The following C8orf34 variants were observed in gnomAD, a reference collection of about 807,000 sequenced individuals.
C8orf34 encodes uncharacterized protein C8orf34.
Under a neutral mutation model 68.3 loss-of-function variants are expected in C8orf34, and 65 were observed. The ratio of observed to expected loss-of-function variants is 0.95; its 90% CI spans 0.78 to 1.17. The LOEUF (loss-of-function observed/expected upper bound fraction) is 1.17. C8orf34 is among the 50% of genes most tolerant of loss of function. C8orf34 has a pLI of 0.00. For missense variants in C8orf34, 664 were observed against 655.4 expected, an observed-to-expected ratio of 1.01 and a Z score of -0.14; for synonymous variants, 244 against 241.2, an observed-to-expected ratio of 1.01 and a Z score of -0.11.
intron 1 of C8orf34, among the ~76,000 whole-genome samples, chr8:68,415,528 T>C (rs1162191567): frequency 6.6e-6 from 1 of 152,010 alleles, no homozygotes; most frequent in African/African-American, 2.4e-5. Flanking sequence ...AAGACAGACA[T>C]GGGGTTCAGG....
At chr8:68,666,794 C>T (rs1819856312) in intron 8 of C8orf34, among the ~76,000 whole-genome samples, 1 of 152,016 alleles carries the variant, frequency 6.6e-6, no homozygotes, top group Admixed American at 6.6e-5. Flanking sequence ...ATTGATTTTT[C>T]CTTCTTTTGC....
intron 1 of C8orf34, among the ~76,000 whole-genome samples, chr8:68,352,284 AT>A (rs1187660234): frequency 6.6e-6 from 1 of 152,104 alleles, no homozygotes; most frequent in African/African-American, 2.4e-5. Flanking sequence ...AAAAAGTTAC[AT>A]TATTATATTA....
intron 10 of C8orf34, among the ~76,000 whole-genome samples, chr8:68,771,596 G>A (rs576341527): frequency 2.0e-5 from 3 of 152,140 alleles, no homozygotes; most frequent in East Asian, 1.9e-4. Context: ...TTCCTAATAT[G>A]AGTCTTCCTC....
chr8:68,617,383 T>C (rs1563565702), intron 7 of C8orf34, among the ~76,000 whole-genome samples: 1 of 152,250 alleles, frequency 6.6e-6, no homozygotes, highest in South Asian at 2.1e-4. Context: ...CTAGCCTCGA[T>C]GGTCTTTACA....
At chr8:68,786,814 C>T (rs1175075036) in intron 11 of C8orf34, among the ~76,000 whole-genome samples, 1 of 152,148 alleles carries the variant, frequency 6.6e-6, no homozygotes, top group Non-Finnish European at 1.5e-5. Context: ...AAAGCGTGCT[C>T]TGGCAGATGA....
chr8:68,787,949 T>G (rs542656786), intron 12 of C8orf34, among the ~76,000 whole-genome samples: 1 of 152,350 alleles, frequency 6.6e-6, no homozygotes, highest in Admixed American at 6.5e-5. Flanking sequence ...ATGTAGACAC[T>G]GTTCTAAGTT....
intron 7 of C8orf34, among the ~76,000 whole-genome samples, chr8:68,551,274 T>C (rs1816060784): frequency 6.6e-6 from 1 of 152,116 alleles, no homozygotes; most frequent in East Asian, 1.9e-4. Flanking sequence ...AGATTCTTTT[T>C]TCAGCCATGT....
At chr8:68,514,115 G>A (rs1280028772) in intron 5 of C8orf34, among the ~76,000 whole-genome samples, 4 of 152,132 alleles carry the variant, frequency 2.6e-5, no homozygotes, top group Admixed American at 2.0e-4. Context: ...TTTGAATGGT[G>A]AGTAAGACAT....
At chr8:68,732,986 C>G (rs1384702347) in intron 10 of C8orf34, among the ~76,000 whole-genome samples, 2 of 152,128 alleles carry the variant, frequency 1.3e-5, no homozygotes, top group African/African-American at 4.8e-5. Context: ...ACTGTTTGAA[C>G]CTTGGAGGCG....
At chr8:68,650,673 G>A (rs918577312) in intron 8 of C8orf34, among the ~76,000 whole-genome samples, 2 of 151,984 alleles carry the variant, frequency 1.3e-5, no homozygotes, top group Non-Finnish European at 2.9e-5. Flanking sequence ...TAGAGATGGG[G>A]TTTCACCGTT....
At chr8:68,339,514 A>G (rs1476394218) in intron 1 of C8orf34, among the ~76,000 whole-genome samples, 1 of 151,964 alleles carries the variant, frequency 6.6e-6, no homozygotes, top group African/African-American at 2.4e-5. Context: ...GAATATCTAA[A>G]TAAATGAAGA....
rs187077813 is a variant in C8orf34 at position 68,534,530 on chromosome 8, G to A, written c.1105+1381G>A. On this transcript the variant is annotated intron_variant, in intron 7 of 13. Transcript: ENST00000518698. ...GGATGAAGCACACAGTTGTGTATAG[G>A]GGTAACACCTAAAGCAGAGGTAAGG... 3 of 729,606 alleles carry A rather than the reference G, an allele frequency of 4.1e-6. No homozygotes were observed. In the East Asian group the frequency reaches 4.0e-4, roughly 96 times the overall value. The allele number at this position is 729,606 out of a possible 1,614,324, so 45.2% of individuals were successfully genotyped here.
intron 10 of C8orf34, among the ~76,000 whole-genome samples, chr8:68,726,054 G>A (rs1033963528): frequency 8.6e-5 from 13 of 151,914 alleles, no homozygotes; most frequent in Admixed American, 2.0e-4. Flanking sequence ...GATTACAGGC[G>A]CACGCCGCCA....
At chr8:68,521,045 T>C (rs867933765) in intron 5 of C8orf34, among the ~76,000 whole-genome samples, 16 of 152,204 alleles carry the variant, frequency 1.1e-4, no homozygotes, top group African/African-American at 3.6e-4. Context: ...CTGTAGCAAG[T>C]CTTAATAAAT....
At chr8:68,369,357 G>A (rs1458637070) in intron 1 of C8orf34, among the ~76,000 whole-genome samples, 1 of 152,204 alleles carries the variant, frequency 6.6e-6, no homozygotes, top group Admixed American at 6.5e-5. Flanking sequence ...TTTAGCAGAT[G>A]CCTGAGTGGA....
intron 1 of C8orf34, among the ~76,000 whole-genome samples, chr8:68,395,561 A>G (rs1177267773): frequency 6.6e-6 from 1 of 152,186 alleles, no homozygotes; most frequent in Non-Finnish European, 1.5e-5. Flanking sequence ...CATGTCAAAT[A>G]ACAATGAAAA....
At chr8:68,503,040 T>C (rs1413639193) in intron 5 of C8orf34, among the ~76,000 whole-genome samples, 1 of 152,116 alleles carries the variant, frequency 6.6e-6, no homozygotes, top group African/African-American at 2.4e-5. Flanking sequence ...GGCCCAGGTT[T>C]TCTGAACAAC....
At chr8:68,360,277 A>G (rs1806927477) in intron 1 of C8orf34, among the ~76,000 whole-genome samples, 1 of 152,136 alleles carries the variant, frequency 6.6e-6, no homozygotes, top group South Asian at 2.1e-4. Context: ...TCCCAACCCC[A>G]TTCATTTTAT....
chr8:68,401,119 T>TG (rs1222711925), intron 1 of C8orf34, among the ~76,000 whole-genome samples: 1 of 151,582 alleles, frequency 6.6e-6, no homozygotes, highest in Non-Finnish European at 1.5e-5. Context: ...TTCCTAGTTT[T>TG]TTTTTTTTTT....
Sources: gnomAD v4.1 joint callset for allele counts (sites outside exome capture counted in the v4.1 genomes callset) on GRCh38, gnomAD v4.1.1 for gene constraint, MANE v1.5 for transcripts, NCBI Gene and HGNC (gene_info 2026-07-23, HGNC 2026-07-21) for gene names.